Variants in PHLDB2 observed in about 807,000 individuals in gnomAD.
The protein encoded by PHLDB2 is pleckstrin homology like domain family B member 2, also known as pleckstrin homology-like domain family B member 2.
In PHLDB2, 71 loss-of-function variants were observed where a neutral mutation model predicts 123.6. The observed-to-expected ratio is 0.57, with a 90% CI of 0.47 to 0.70. PHLDB2 has a LOEUF of 0.70. Ranked by LOEUF, PHLDB2 falls within the 30% of genes least tolerant of loss-of-function variation. PHLDB2 has a pLI of 0.00. For missense variants in PHLDB2, 1,446 were observed against 1,519.5 expected (o/e 0.95, Z 0.80); for synonymous variants, 547 against 541.6 (o/e 1.01, Z -0.14).
intron 1 of PHLDB2, among the ~76,000 whole-genome samples, chr3:111,860,368 A>T (rs919609118): frequency 2.6e-5 from 4 of 152,192 alleles, no homozygotes; most frequent in Non-Finnish European, 4.4e-5. Flanking sequence ...CCCCACTGAA[A>T]GTTTACAGTG....
intron 1 of PHLDB2, among the ~76,000 whole-genome samples, chr3:111,839,842 C>A (rs2063590445): frequency 6.7e-6 from 1 of 150,338 alleles, no homozygotes; most frequent in African/African-American, 2.5e-5. Context: ...AGCCTTATGG[C>A]TAAGATCAAG....
intron 4 of PHLDB2, among the ~76,000 whole-genome samples, chr3:111,919,987 G>GCCT (rs2068401883): frequency 6.6e-6 from 1 of 152,186 alleles, no homozygotes; most frequent in Non-Finnish European, 1.5e-5. Context: ...GCTTGATCTT[G>GCCT]AGCTGAAGCA....
At chr3:111,862,544 T>C (rs917100677) in intron 1 of PHLDB2, among the ~76,000 whole-genome samples, 2 of 152,126 alleles carry the variant, frequency 1.3e-5, no homozygotes, top group African/African-American at 2.4e-5. Flanking sequence ...CACCCTGCCA[T>C]GCACGGGACA....
At chr3:111,765,637 C>T (rs775714382) in intron 1 of PHLDB2, among the ~76,000 whole-genome samples, 9 of 152,154 alleles carry the variant, frequency 5.9e-5, no homozygotes, top group Non-Finnish European at 1.0e-4. Context: ...GAAGCTAATG[C>T]TCAAAATAAA....
intron 2 of PHLDB2, 119 bp downstream of exon 2, chr3:111,885,531 C>T: frequency 8.0e-7 from 1 of 1,255,612 alleles, no homozygotes; most frequent in Non-Finnish European, 1.1e-6. Flanking sequence ...TCACTAGCCA[C>T]AGCTGCTATC....
At chr3:111,856,568 A>C (rs532666184), upstream of PHLDB2, among the ~76,000 whole-genome samples, 3 of 152,352 alleles carry the variant, frequency 2.0e-5, no homozygotes, top group Non-Finnish European at 4.4e-5. Flanking sequence ...AATATTGGCA[A>C]TCTAATTATG....
At chr3:111,917,023 A>G (rs1294854369) in intron 3 of PHLDB2, 1 of 152,144 alleles carries the variant, frequency 6.6e-6, no homozygotes, top group Non-Finnish European at 1.5e-5. Flanking sequence ...ACTTAAAGCT[A>G]CTCAGTGGCT....
intron 1 of PHLDB2, among the ~76,000 whole-genome samples, chr3:111,878,278 A>G (rs1339160238): frequency 1.3e-5 from 2 of 152,050 alleles, no homozygotes; most frequent in Non-Finnish European, 2.9e-5. Context: ...ATCCCTTGTA[A>G]GTTGGATTCC....
intron 1 of PHLDB2, among the ~76,000 whole-genome samples, chr3:111,809,334 TA>T (rs2061730445): frequency 6.6e-6 from 1 of 152,176 alleles, no homozygotes; most frequent in Admixed American, 6.5e-5. Context: ...CTCTAAATAG[TA>T]AAATAAATAT....
intron 1 of PHLDB2, among the ~76,000 whole-genome samples, chr3:111,791,722 G>T (rs1190761306): frequency 2.0e-5 from 3 of 151,904 alleles, no homozygotes; most frequent in African/African-American, 7.3e-5. Context: ...TATTTATGGG[G>T]TACATGTGAT....
chr3:111,752,789 C>T (rs969559233), intron 1 of PHLDB2, among the ~76,000 whole-genome samples: 2 of 151,762 alleles, frequency 1.3e-5, no homozygotes, highest in African/African-American at 2.4e-5. Context: ...CTAATGCTAT[C>T]CCTCCCCACT....
At chr3:111,954,186 C>G (rs2070886675) in intron 12 of PHLDB2, among the ~76,000 whole-genome samples, 157 bp downstream of exon 12, 1 of 152,180 alleles carries the variant, frequency 6.6e-6, no homozygotes, top group Non-Finnish European at 1.5e-5. Context: ...GGATATATAA[C>G]TTTTCCTATT....
chr3:111,922,467 C>T (rs921908585), intron 5 of PHLDB2, among the ~76,000 whole-genome samples: 1 of 152,150 alleles, frequency 6.6e-6, no homozygotes. Flanking sequence ...AGGCTATGCA[C>T]TGGAGAGGGG....
intron 1 of PHLDB2, among the ~76,000 whole-genome samples, chr3:111,872,917 C>T (rs1410701391): frequency 6.6e-6 from 1 of 152,116 alleles, no homozygotes; most frequent in Non-Finnish European, 1.5e-5. Flanking sequence ...TGAATGGATT[C>T]CATATTTGTA....
intron 2 of PHLDB2, among the ~76,000 whole-genome samples, chr3:111,902,225 C>T (rs186518836): frequency 2.5e-3 from 378 of 152,156 alleles, no homozygotes; most frequent in Non-Finnish European, 4.1e-3. Context: ...GTCAGGAAAA[C>T]GTCATTGGCC....
At chr3:111,843,843 T>A (rs1576854904) in intron 1 of PHLDB2, among the ~76,000 whole-genome samples, 1 of 152,362 alleles carries the variant, frequency 6.6e-6, no homozygotes, top group East Asian at 1.9e-4. Flanking sequence ...AAAGCTTCTT[T>A]TAAGTATAAC....
upstream of PHLDB2, among the ~76,000 whole-genome samples, chr3:111,858,382 G>C (rs2064616990): frequency 1.3e-5 from 2 of 152,296 alleles, no homozygotes; most frequent in East Asian, 3.9e-4. Flanking sequence ...ATGAAGGGTT[G>C]ATGGGTGCTG....
chr3:111,778,175 C>T (rs1244684541), intron 1 of PHLDB2: 5 of 151,880 alleles, frequency 3.3e-5, no homozygotes, highest in African/African-American at 4.8e-5. Context: ...CAGAATGTGA[C>T]CTTATTTGGA....
intron 1 of PHLDB2, among the ~76,000 whole-genome samples, chr3:111,802,294 C>T (rs1215119351): frequency 6.6e-6 from 1 of 152,192 alleles, no homozygotes; most frequent in Non-Finnish European, 1.5e-5. Flanking sequence ...TGCATTCTGC[C>T]TCCAGAGGAT....
Sources: gnomAD v4.1 joint callset for allele counts (sites outside exome capture counted in the v4.1 genomes callset) on GRCh38, gnomAD v4.1.1 for gene constraint, MANE v1.5 for transcripts, NCBI Gene and HGNC (gene_info 2026-07-23, HGNC 2026-07-21) for gene names.